Variants in FH observed in about 807,000 individuals in gnomAD.
FH encodes the protein fumarate hydratase, mitochondrial.
FH carries 22 observed loss-of-function variants against 49.4 expected under a neutral mutation model. The observed-to-expected ratio is 0.45, with a 90% CI of 0.32 to 0.64. FH has a LOEUF of 0.64. Ranked by LOEUF, FH falls within the 30% of genes least tolerant of loss-of-function variation. The pLI is 0.05. For synonymous variants in FH, 208 were observed against 223.0 expected (o/e 0.93, Z 0.60); for missense variants, 526 against 641.5 (o/e 0.82, Z 1.95).
chr1:241,519,475 T>C (rs1249429039), intron 1 of FH, 116 bp downstream of exon 1: 4 of 1,313,352 alleles, frequency 3.0e-6, no homozygotes, highest in African/African-American at 3.1e-5. Flanking sequence ...GCCCAGAGTC[T>C]GGCGCGGCCC....
chr1:241,500,045 G>C (rs1659731444), intron 9 of FH, among the ~76,000 whole-genome samples: 1 of 152,040 alleles, frequency 6.6e-6, no homozygotes, highest in South Asian at 2.1e-4. Context: ...TAGAGATCTA[G>C]GGAAGGTAGA....
At chr1:241,519,493 CG>C in intron 1 of FH, 97 bp downstream of exon 1, 3 of 1,421,186 alleles carry the variant, frequency 2.1e-6, no homozygotes, top group Non-Finnish European at 9.4e-7. Flanking sequence ...CCCGGACGCC[CG>C]GGGAATCTCT....
rs370233259 is a variant in FH at position 241,497,992 on chromosome 1, G to A, written c.1391-22C>T. 1.4e-5 allele frequency: 23 copies of A among 1,613,110 alleles called. No individual in the cohort carries two copies. The highest frequency in any genetic ancestry group is 2.7e-5 in the African/African-American group (2 of 74,866). ...TACCCTGAAGAAAAAATAAAAAGACGACATATGGGTTAGCAGTGATATTTG... is the reference window on the plus strand; with the variant it reads ...TACCCTGAAGAAAAAATAAAAAGACAACATATGGGTTAGCAGTGATATTTG... On this transcript the variant is annotated intron_variant, in intron 9 of 9. Coordinates refer to ENST00000366560, the MANE Select transcript of FH (RefSeq NM_000143.4).
chr1:241,516,046 G>C (rs1339029298), intron 2 of FH, among the ~76,000 whole-genome samples: 2 of 152,046 alleles, frequency 1.3e-5, no homozygotes, highest in African/African-American at 4.8e-5. Flanking sequence ...CACTTTTTAG[G>C]AAACTGAAAC....
At chr1:241,503,037 T>C (rs976960341) in intron 7 of FH, among the ~76,000 whole-genome samples, 3 of 152,062 alleles carry the variant, frequency 2.0e-5, no homozygotes, top group Non-Finnish European at 4.4e-5. Context: ...AAGCTAAAAT[T>C]TTCCTATTTA....
At chr1:241,510,696 G>T (rs1477211535) in intron 4 of FH, among the ~76,000 whole-genome samples, 1 of 152,138 alleles carries the variant, frequency 6.6e-6, no homozygotes, top group Non-Finnish European at 1.5e-5. Flanking sequence ...TAGCCTCAAG[G>T]TAGCGCGCTA....
intron 3 of FH, 69 bp downstream of exon 3, chr1:241,513,534 G>T: frequency 2.6e-6 from 3 of 1,134,930 alleles, no homozygotes; most frequent in Non-Finnish European, 2.7e-6. Flanking sequence ...CCTTCTGCCA[G>T]AGCATATCGT....
chr1:241,509,778 AACACACAC>A (rs71174810), intron 4 of FH, among the ~76,000 whole-genome samples: 4,940 of 139,324 alleles, frequency 0.035, 151 homozygotes, highest in African/African-American at 0.087. Context: ...ACAATCTCTA[AACACACAC>A]ACACACACAC....
At chr1:241,514,783 G>A (rs867240093) in intron 2 of FH, among the ~76,000 whole-genome samples, 18 of 152,118 alleles carry the variant, frequency 1.2e-4, no homozygotes, top group Admixed American at 9.8e-4. Flanking sequence ...CATTAGAAAC[G>A]TTTGACTCAA....
chr1:241,504,360 GA>G (rs1378587416), intron 6 of FH, 115 bp from the exon 7 acceptor site: 9 of 1,008,006 alleles, frequency 8.9e-6, no homozygotes, highest in African/African-American at 8.2e-5. Context: ...TTTTACTTCA[GA>G]AAAAAATGTT....
rs2147926930 is a variant in FH at position 241,519,637 on chromosome 1, C to A, written c.86G>T (p.Gly29Val). The change falls in exon 1 of 10, where the codon GGT becomes GTT. Residue 29 changes from glycine (G) to valine (V), a missense_variant. Around this residue, in one of 2 missense-constraint regions of FH, gnomAD observed 143 missense variants for 127.5 expected, o/e 1.12. Transcript: ENST00000366560. Reference sequence around the variant, plus strand: ...CCAAAACGAGGGCACGGCCGCGCCACCCAAGCCGGGAGCCGAAGCTAAGGC... The same window carrying A: ...CCAAAACGAGGGCACGGCCGCGCCAACCAAGCCGGGAGCCGAAGCTAAGGC... ...AAALASAPGLGGAAVPSFWPP... is the reference protein window; with the variant it reads ...AAALASAPGLVGAAVPSFWPP... 6.5e-7 allele frequency: 1 copy of A among 1,547,894 alleles called. No homozygotes were observed. Among genetic ancestry groups the A allele is most frequent in the Non-Finnish European group, 8.7e-7 (1 of 1,146,480 alleles).
intron 4 of FH, among the ~76,000 whole-genome samples, chr1:241,510,466 A>G (rs978898302): frequency 2.2e-4 from 33 of 152,184 alleles, no homozygotes; most frequent in African/African-American, 8.0e-4. Context: ...ATAAATAACC[A>G]TCAGTCCATA....
At chr1:241,501,744 T>C (rs1659785804) in intron 8 of FH, among the ~76,000 whole-genome samples, 1 of 152,158 alleles carries the variant, frequency 6.6e-6, no homozygotes, top group Admixed American at 6.5e-5. Context: ...TTTGTCCAAA[T>C]GAAGGACTCT....
chr1:241,497,807 T>C lies in FH; in HGVS notation c.*21A>G, dbSNP rs200479775. 4.5e-6 allele frequency: 7 copies of C among 1,556,948 alleles called. No homozygotes were observed. Among genetic ancestry groups the C allele is most frequent in the Non-Finnish European group, 5.2e-6 (6 of 1,148,978 alleles). ...TTTTTAAATTTTATACATGTTTATT[T>C]TCATTATAAATTTATGTAAATCACT... On this transcript the variant is annotated 3_prime_UTR_variant, in exon 10 of 10. Transcript: ENST00000366560.
intron 5 of FH, among the ~76,000 whole-genome samples, chr1:241,508,296 A>G (rs570941293): frequency 2.2e-4 from 33 of 152,342 alleles, no homozygotes; most frequent in Middle Eastern, 6.8e-3. Flanking sequence ...TATTTTCCTC[A>G]TTTTGTAGCT....
At chr1:241,513,805 C>T (rs1263499676) in intron 2 of FH, 92 bp from the exon 3 acceptor site, 2 of 942,698 alleles carry the variant, frequency 2.1e-6, no homozygotes, top group African/African-American at 1.6e-5. Context: ...ATACATAAAA[C>T]AATAACAATA....
chr1:241,510,369 A>G (rs1334377557), intron 4 of FH, among the ~76,000 whole-genome samples: 2 of 152,136 alleles, frequency 1.3e-5, no homozygotes. Flanking sequence ...AAAAGGACAC[A>G]AGAGCCAAAT....
chr1:241,517,781 T>C (rs1558402437), intron 1 of FH, among the ~76,000 whole-genome samples: 1 of 152,072 alleles, frequency 6.6e-6, no homozygotes, highest in Non-Finnish European at 1.5e-5. Flanking sequence ...ATAAGAAATG[T>C]ATAAACATTA....
chr1:241,505,474 G>A (rs1405416951), intron 6 of FH, among the ~76,000 whole-genome samples: 1 of 152,092 alleles, frequency 6.6e-6, no homozygotes, highest in Non-Finnish European at 1.5e-5. Flanking sequence ...CTAACCGTCT[G>A]GTAACATCTA....
Sources: gnomAD v4.1 joint callset for allele counts (sites outside exome capture counted in the v4.1 genomes callset) on GRCh38, gnomAD v4.1.1 for gene constraint, gnomAD v4.1.1 regional missense constraint, MANE v1.5 for transcripts, NCBI Gene and HGNC (gene_info 2026-07-23, HGNC 2026-07-21) for gene names.